KIRREL3: variants seen among roughly 807,000 people sequenced by gnomAD.
KIRREL3 encodes the protein kirre like nephrin family adhesion molecule 3, also known as kin of IRRE-like protein 3.
A neutral mutation model predicts 89.7 loss-of-function variants in KIRREL3; 36 were observed. The ratio of observed to expected loss-of-function variants is 0.40; its 90% confidence interval spans 0.31 to 0.53. The LOEUF is 0.53. KIRREL3 is among the 20% of genes least tolerant of loss of function. The pLI is 0.49. For missense variants in KIRREL3, 864 were observed against 1,056.6 expected (o/e 0.82, Z 2.53); for synonymous variants, 445 against 441.4 (o/e 1.01, Z -0.10).
At chr11:126,863,565 G>C (rs1165750977) in intron 1 of KIRREL3, among the ~76,000 whole-genome samples, 1 of 150,228 alleles carries the variant, frequency 6.7e-6, no homozygotes, top group Non-Finnish European at 1.5e-5. Context: ...ATGTGTGAGT[G>C]TGTTTGACTG....
chr11:126,467,642 T>A (rs560727201), intron 5 of KIRREL3, among the ~76,000 whole-genome samples: 11,329 of 144,658 alleles, frequency 0.078, 428 homozygotes, highest in Middle Eastern at 0.16. Flanking sequence ...TTTTTTTTTT[T>A]TTAAAAAATC....
rs1247062213 is a variant in KIRREL3, at chr11:126,431,089, G to C, written c.1696+330C>G. 1 of 1,390,672 alleles carries C rather than the reference G, an allele frequency of 7.2e-7. No homozygotes were observed. Among genetic ancestry groups the C allele is most frequent in the East Asian group, 2.6e-5 (1 of 37,808 alleles). 86.1% of individuals were successfully genotyped at this position (1,390,672 alleles called of 1,614,324 possible). ...TCTCTAGACTAACAGCTCTTGTAGA[G>C]CAAGGATCAAACCACAAACCGCTTT... On this transcript the variant is annotated intron_variant, in intron 14 of 16. Coordinates refer to ENST00000525144, the MANE Select transcript of KIRREL3 (RefSeq NM_032531.4). The surrounding 1 kb of genome is among the most constrained non-coding windows in gnomAD (Gnocchi z 7.1).
Position 126,814,381 on chromosome 11 carries a change from C to T in KIRREL3, c.55+186074G>A, listed in dbSNP as rs1951491107. ...CATTGTGGTCTCAAAGACCTACAGT[C>T]AGAAACACCATTTGACCCAGCAATC... is the stretch of plus-strand genomic sequence containing the variant. On this transcript the variant is annotated intron_variant, in intron 1 of 16. Coordinates refer to ENST00000525144, the MANE Select transcript of KIRREL3 (RefSeq NM_032531.4). This position sits in a 1 kb window ranked among gnomAD's most constrained non-coding sequence, Gnocchi z 4.4. Among the ~76,000 whole-genome samples the T allele has an allele frequency of 6.6e-6, 1 of 152,110 alleles. No homozygotes were observed. Among genetic ancestry groups the T allele is most frequent in the South Asian group, 2.1e-4 (1 of 4,822 alleles).
At chr11:126,911,602 A>G (rs1946817047) in intron 1 of KIRREL3, among the ~76,000 whole-genome samples, 1 of 152,154 alleles carries the variant, frequency 6.6e-6, no homozygotes, top group Non-Finnish European at 1.5e-5. Context: ...CCCCTCAGGA[A>G]GTGTTAGTGG....
At position 126,791,559 on chromosome 11, in the gene KIRREL3, G is replaced by A. The variant is rs1334103920; in HGVS notation, c.55+208896C>T. On this transcript the variant is annotated intron_variant, in intron 1 of 16. Coordinates refer to ENST00000525144, the MANE Select transcript of KIRREL3 (RefSeq NM_032531.4). This position sits in a 1 kb window ranked among gnomAD's most constrained non-coding sequence, Gnocchi z 4.8. ...TCACTGGGCACTTATGAAAATAAAT[G>A]ACTGATGGGAGAAGGCTGGAGCCAA... 6.6e-6 allele frequency among the ~76,000 whole-genome samples: 1 copy of A among 152,220 alleles called. No individual in the cohort carries two copies. The highest frequency in any genetic ancestry group is 2.4e-5 in the African/African-American group (1 of 41,446).
intron 5 of KIRREL3, among the ~76,000 whole-genome samples, chr11:126,464,262 CT>C (rs1409095199): frequency 2.7e-5 from 4 of 146,090 alleles, no homozygotes; most frequent in Admixed American, 2.1e-4. Context: ...AATCCCAGCA[CT>C]TTGGGAGGCT....
Position 126,860,217 on chromosome 11 carries a change from G to A in KIRREL3, c.55+140238C>T, listed in dbSNP as rs1379287394. Among the ~76,000 whole-genome samples the A allele has an allele frequency of 6.6e-6, 1 of 152,154 alleles. No homozygotes were observed. Among genetic ancestry groups the A allele is most frequent in the East Asian group, 1.9e-4 (1 of 5,196 alleles). ...GCCCGTTGCTGGTACTTGGTGCTGGGAATATAAAAGATAAGTTCTCCAACA... is the reference window on the plus strand; with the variant it reads ...GCCCGTTGCTGGTACTTGGTGCTGGAAATATAAAAGATAAGTTCTCCAACA... On this transcript the variant is annotated intron_variant, in intron 1 of 16. Coordinates refer to ENST00000525144, the MANE Select transcript of KIRREL3 (RefSeq NM_032531.4). The surrounding 1 kb of genome is among the most constrained non-coding windows in gnomAD (Gnocchi z 4.6).
chr11:126,751,159 A>G (rs1353475133), intron 1 of KIRREL3, among the ~76,000 whole-genome samples: 1 of 152,230 alleles, frequency 6.6e-6, no homozygotes, highest in Non-Finnish European at 1.5e-5. Flanking sequence ...GTAGCGCCAC[A>G]GGACTCAGGC....
chr11:126,792,563 G>A (rs1406585442), intron 1 of KIRREL3, among the ~76,000 whole-genome samples: 1 of 152,038 alleles, frequency 6.6e-6, no homozygotes, highest in East Asian at 1.9e-4. Flanking sequence ...AAATCCTATT[G>A]CCTCCGTCAG....
At position 126,521,258 on chromosome 11, in the gene KIRREL3, A is replaced by G; in HGVS notation, c.433+57T>C. 6.9e-7 allele frequency: 1 copy of G among 1,458,552 alleles called. No individual in the cohort carries two copies. The highest frequency in any genetic ancestry group is 9.1e-7 in the Non-Finnish European group (1 of 1,096,694). The allele number at this position is 1,458,552 out of a possible 1,614,324, so 90.4% of individuals were successfully genotyped here. ...TCTGACCAAAAAAATACCCTCTTGG[A>G]GCTGAGCCCTTGGTGCTTCACGCAG... is the stretch of plus-strand genomic sequence containing the variant. On this transcript the variant is annotated intron_variant, in intron 4 of 16. Transcript: ENST00000525144. The surrounding 1 kb of genome is among the most constrained non-coding windows in gnomAD (Gnocchi z 4.1).
rs1951401376 is a variant in KIRREL3, at chr11:126,811,862, C to T, written c.55+188593G>A. 1.3e-5 allele frequency among the ~76,000 whole-genome samples: 2 copies of T among 152,174 alleles called. No individual in the cohort carries two copies. Among genetic ancestry groups the T allele is most frequent in the African/African-American group, 4.8e-5 (2 of 41,440 alleles). On this transcript the variant is annotated intron_variant, in intron 1 of 16. Coordinates refer to ENST00000525144, the MANE Select transcript of KIRREL3 (RefSeq NM_032531.4). This position sits in a 1 kb window ranked among gnomAD's most constrained non-coding sequence, Gnocchi z 4.3. The stretch of plus-strand genomic sequence containing the variant: ...TTGGCCTCATAAAGTGCTGGGATTA[C>T]AGGTGTGAGCCACTGTGCCTGGCCA...
At position 126,431,674 on chromosome 11, in the gene KIRREL3, G is replaced by T; in HGVS notation, c.1589-148C>A. 1.3e-6 allele frequency: 1 copy of T among 764,638 alleles called. No homozygotes were observed. The highest frequency in any genetic ancestry group is 2.1e-6 in the Non-Finnish European group (1 of 468,106). 47.4% of individuals were successfully genotyped at this position (764,638 alleles called of 1,614,324 possible). A position where few individuals can be genotyped will look rare whatever the true frequency, so the allele number is the denominator to read the frequency against. On this transcript the variant is annotated intron_variant, in intron 13 of 16. Transcript: ENST00000525144. The surrounding 1 kb of genome is among the most constrained non-coding windows in gnomAD (Gnocchi z 7.1). ...AGTGGGGCCTGGGCAGGCACAGGCC[G>T]AGTCCAACTGGGGTCAGCTCTAGCT...
Position 126,527,186 on chromosome 11 carries a change from G to A in KIRREL3, c.134-499C>T, listed in dbSNP as rs1229884773. ...TTCAGGAAATCATTTTGTTGTTTCA[G>A]TGGCTCCTGGGGTGGGCTGAGGGCC... On this transcript the variant is annotated intron_variant, in intron 2 of 16. Transcript: ENST00000525144. This position sits in a 1 kb window ranked among gnomAD's most constrained non-coding sequence, Gnocchi z 4.2. Among the ~76,000 whole-genome samples, 2 of 152,170 alleles carry A rather than the reference G, an allele frequency of 1.3e-5. No individual in the cohort carries two copies. The highest frequency in any genetic ancestry group is 2.9e-5 in the Non-Finnish European group (2 of 68,030).
chr11:126,880,073 T>G (rs1222326842), intron 1 of KIRREL3, among the ~76,000 whole-genome samples: 2 of 152,214 alleles, frequency 1.3e-5, no homozygotes, highest in Admixed American at 1.3e-4. Flanking sequence ...TGCCTGTCCT[T>G]TCTTGGATGA....
rs1789983032 is a variant in KIRREL3, at chr11:126,830,439, C to T, written c.55+170016G>A. Among the ~76,000 whole-genome samples, 2 of 152,194 alleles carry T rather than the reference C, an allele frequency of 1.3e-5. No homozygotes were observed. The highest frequency in any genetic ancestry group is 1.3e-4 in the Admixed American group (2 of 15,268). On this transcript the variant is annotated intron_variant, in intron 1 of 16. Transcript: ENST00000525144. This position sits in a 1 kb window ranked among gnomAD's most constrained non-coding sequence, Gnocchi z 4.9. ...AACAGATGTTGAGAAATGCCATTAT[C>T]CCATGCACGCTACAATAAATAGCAT...
intron 2 of KIRREL3, among the ~76,000 whole-genome samples, chr11:126,547,177 A>C (rs1938873272): frequency 6.6e-6 from 1 of 152,204 alleles, no homozygotes; most frequent in Non-Finnish European, 1.5e-5. Flanking sequence ...CTGGGCTCTA[A>C]AACATTATTT....
intron 1 of KIRREL3, among the ~76,000 whole-genome samples, chr11:126,654,192 C>T (rs921069017): frequency 1.8e-4 from 27 of 150,474 alleles, no homozygotes; most frequent in Admixed American, 1.1e-3. Context: ...TGACAGGTGG[C>T]GGGGAAGACC....
upstream of KIRREL3, among the ~76,000 whole-genome samples, chr11:127,002,612 A>C (rs1376774149): frequency 6.6e-6 from 1 of 152,246 alleles, no homozygotes; most frequent in Non-Finnish European, 1.5e-5. Flanking sequence ...CTTTGCATTA[A>C]GCCTATGGGG....
Position 126,843,317 on chromosome 11 carries a change from C to G in KIRREL3, c.55+157138G>C, listed in dbSNP as rs1037420496. On this transcript the variant is annotated intron_variant, in intron 1 of 16. Transcript: ENST00000525144. This position sits in a 1 kb window ranked among gnomAD's most constrained non-coding sequence, Gnocchi z 4.6. Reference sequence around the variant, plus strand: ...CTGGAGACAGGCTTTGATCTTGCCTCGAAGTCAAAGGCAATCTGGAAGATC... The same window carrying G: ...CTGGAGACAGGCTTTGATCTTGCCTGGAAGTCAAAGGCAATCTGGAAGATC... Among the ~76,000 whole-genome samples the G allele has an allele frequency of 6.6e-6, 1 of 152,112 alleles. No homozygotes were observed. Among genetic ancestry groups the G allele is most frequent in the African/African-American group, 2.4e-5 (1 of 41,412 alleles).
Sources: allele counts gnomAD v4.1 joint callset (sites outside exome capture counted in the v4.1 genomes callset), GRCh38; gene constraint gnomAD v4.1.1; non-coding constraint Gnocchi (gnomAD v3.1); transcripts MANE v1.5; gene names NCBI Gene and HGNC (gene_info 2026-07-23, HGNC 2026-07-21).